PARD3B: variants seen among roughly 807,000 people sequenced by gnomAD.
PARD3B encodes the protein par-3 family cell polarity regulator beta, also known as partitioning defective 3 homolog B.
In PARD3B, 103 loss-of-function variants were observed where a neutral mutation model predicts 130.2. The observed-to-expected ratio is 0.79, with a 90% confidence interval of 0.67 to 0.93. PARD3B has a LOEUF of 0.93. Ranked by LOEUF, PARD3B falls within the 40% of genes least tolerant of loss-of-function variation. The pLI is 0.00. For synonymous variants in PARD3B, 583 were observed against 553.2 expected (o/e 1.05, Z -0.76); for missense variants, 1,609 against 1,499.2 (o/e 1.07, Z -1.21).
In PARD3B at chr2:204,681,930, C is replaced by A. The variant is rs544461837; in HGVS notation, c.121-4251C>A. ...CTATTCTTGGCAGTAAGATCTTTTTCCACTGTTTCCAAAACCCTTAAGTCT... is the reference window on the plus strand; with the variant it reads ...CTATTCTTGGCAGTAAGATCTTTTTACACTGTTTCCAAAACCCTTAAGTCT... On this transcript the variant is annotated intron_variant, in intron 1 of 22. Coordinates refer to ENST00000406610, the MANE Select transcript of PARD3B (RefSeq NM_001302769.2). Among the ~76,000 whole-genome samples the A allele has an allele frequency of 5.3e-5, 8 of 152,246 alleles. No individual in the cohort carries two copies. The South Asian group carries it at 1.5e-3, about 28-fold the overall frequency.
intron 20 of PARD3B, among the ~76,000 whole-genome samples, chr2:205,444,102 C>T (rs1003763486): frequency 2.0e-5 from 3 of 152,228 alleles, no homozygotes; most frequent in Non-Finnish European, 2.9e-5. Flanking sequence ...CATGTCTCCA[C>T]TTCCCAAGTA....
chr2:205,380,448 C>A (rs1293182572), intron 18 of PARD3B, among the ~76,000 whole-genome samples: 8 of 22,464 alleles, frequency 3.6e-4, no homozygotes, highest in Non-Finnish European at 5.2e-4. Flanking sequence ...ATAAAGAATA[C>A]ATATATATAA....
intron 21 of PARD3B, among the ~76,000 whole-genome samples, chr2:205,500,720 A>G (rs1344136748): frequency 1.3e-5 from 2 of 152,240 alleles, no homozygotes; most frequent in African/African-American, 2.4e-5. Flanking sequence ...TTAGAATTGC[A>G]TGAAATGTGC....
chr2:204,935,797 G>A (rs1456085288), intron 2 of PARD3B, among the ~76,000 whole-genome samples: 25 of 152,056 alleles, frequency 1.6e-4, no homozygotes, highest in Admixed American at 1.6e-3. Context: ...TCCCTTCTCT[G>A]TTTTGAAATA....
rs1014501245 is a variant in PARD3B, at chr2:204,699,474, C to G, written c.222+13192C>G. On this transcript the variant is annotated intron_variant, in intron 2 of 22. Coordinates refer to ENST00000406610, the MANE Select transcript of PARD3B (RefSeq NM_001302769.2). Reference sequence around the variant, plus strand: ...AACATGCCACTCTTCCCTAACAAGACAGAATAATTTGGTATATTTAGGAAG... The same window carrying G: ...AACATGCCACTCTTCCCTAACAAGAGAGAATAATTTGGTATATTTAGGAAG... Among the ~76,000 whole-genome samples, 3 of 151,930 alleles carry G rather than the reference C, an allele frequency of 2.0e-5. No individual in the cohort carries two copies. In the South Asian group the frequency reaches 6.2e-4, roughly 32 times the overall value.
intron 19 of PARD3B, among the ~76,000 whole-genome samples, chr2:205,438,833 T>A (rs2047610437): frequency 6.6e-6 from 1 of 152,166 alleles, no homozygotes; most frequent in South Asian, 2.1e-4. Flanking sequence ...AGGTTTGGCC[T>A]AATCAAAAGA....
intron 3 of PARD3B, among the ~76,000 whole-genome samples, chr2:205,026,671 C>A (rs1279639392): frequency 6.6e-6 from 1 of 152,198 alleles, no homozygotes; most frequent in Non-Finnish European, 1.5e-5. Context: ...CTTTGACCAA[C>A]TTCTCAACAC....
At chr2:205,077,882 G>C (rs892387962) in intron 4 of PARD3B, among the ~76,000 whole-genome samples, 1 of 152,054 alleles carries the variant, frequency 6.6e-6, no homozygotes, top group Admixed American at 6.5e-5. Context: ...AAAGAGAGTT[G>C]GCCATAGGAA....
intron 2 of PARD3B, among the ~76,000 whole-genome samples, chr2:204,870,318 T>C (rs1167308806): frequency 6.6e-6 from 1 of 152,130 alleles, no homozygotes; most frequent in East Asian, 1.9e-4. Context: ...ATTCAGAATA[T>C]CCCTAGCTGA....
chr2:205,342,179 AT>A (rs2043566744), intron 18 of PARD3B, among the ~76,000 whole-genome samples: 1 of 152,206 alleles, frequency 6.6e-6, no homozygotes, highest in Non-Finnish European at 1.5e-5. Flanking sequence ...AGTATATTCA[AT>A]TAATATTTAC....
chr2:204,795,021 G>T (rs148249441), intron 2 of PARD3B, among the ~76,000 whole-genome samples: 1 of 152,266 alleles, frequency 6.6e-6, no homozygotes, highest in South Asian at 2.1e-4. Context: ...CAGAACCTTA[G>T]AACTCAGTAT....
At chr2:204,792,254 G>C (rs2042226706) in intron 2 of PARD3B, among the ~76,000 whole-genome samples, 1 of 152,058 alleles carries the variant, frequency 6.6e-6, no homozygotes, top group East Asian at 1.9e-4. Context: ...GAACTTTATG[G>C]GTAAAAGCAC....
chr2:204,838,598 T>C (rs1393337563), intron 2 of PARD3B, among the ~76,000 whole-genome samples: 1 of 152,120 alleles, frequency 6.6e-6, no homozygotes, highest in Non-Finnish European at 1.5e-5. Context: ...ATTTTTGAGC[T>C]ATGGGTACAC....
chr2:205,089,513 C>A (rs2125535715), intron 4 of PARD3B, among the ~76,000 whole-genome samples: 1 of 152,324 alleles, frequency 6.6e-6, no homozygotes, highest in South Asian at 2.1e-4. Flanking sequence ...ACCTGACCAT[C>A]TGACTGAGGA....
At chr2:205,053,421 T>C (rs1199369723) in intron 4 of PARD3B, among the ~76,000 whole-genome samples, 1 of 151,974 alleles carries the variant, frequency 6.6e-6, no homozygotes, top group Non-Finnish European at 1.5e-5. Flanking sequence ...GTGGATCACC[T>C]GAGGTTAGGA....
rs2051522419 is a variant in PARD3B at position 205,530,114 on chromosome 2, T to A, written c.3181-23210T>A. ...ATTCCCACCACAAGATGCAAAAGAG[T>A]GGCACACAGGAGCATGTGGAAAGGA... is the stretch of plus-strand genomic sequence containing the variant. On this transcript the variant is annotated intron_variant, in intron 21 of 22. Transcript: ENST00000406610. This position sits in a 1 kb window ranked among gnomAD's most constrained non-coding sequence, Gnocchi z 4.7. Among the ~76,000 whole-genome samples, 1 of 151,912 alleles carries A rather than the reference T, an allele frequency of 6.6e-6. No homozygotes were observed. The highest frequency in any genetic ancestry group is 1.5e-5 in the Non-Finnish European group (1 of 67,988).
At chr2:204,608,313 G>T (rs1218189066) in intron 1 of PARD3B, among the ~76,000 whole-genome samples, 1 of 152,182 alleles carries the variant, frequency 6.6e-6, no homozygotes, top group East Asian at 1.9e-4. Flanking sequence ...TCCACTAGCT[G>T]TTACATGTTT....
chr2:205,166,552 C>A (rs1429272413), intron 11 of PARD3B, among the ~76,000 whole-genome samples: 1 of 152,122 alleles, frequency 6.6e-6, no homozygotes. Context: ...CTTTAAAAAT[C>A]TTGATTCATT....
chr2:204,692,832 A>G (rs2037418587), intron 2 of PARD3B, among the ~76,000 whole-genome samples: 1 of 152,076 alleles, frequency 6.6e-6, no homozygotes, highest in African/African-American at 2.4e-5. Context: ...ACAAAATTGT[A>G]GAATCATGGA....
Sources: allele counts gnomAD v4.1 joint callset (sites outside exome capture counted in the v4.1 genomes callset), GRCh38; gene constraint gnomAD v4.1.1; non-coding constraint Gnocchi (gnomAD v3.1); transcripts MANE v1.5; gene names NCBI Gene and HGNC (gene_info 2026-07-23, HGNC 2026-07-21).